MCTP1: variants seen among roughly 807,000 people sequenced by gnomAD.
The protein encoded by MCTP1 is multiple C2 and transmembrane domain containing 1, also known as multiple C2 and transmembrane domain-containing protein 1.
In MCTP1, 69 loss-of-function variants were observed where a neutral mutation model predicts 120.6. The ratio of observed to expected loss-of-function variants is 0.57; its 90% CI spans 0.47 to 0.70. MCTP1 has a LOEUF of 0.70. MCTP1 is among the 30% of genes least tolerant of loss of function. The probability of loss-of-function intolerance (pLI) is 0.00; values close to 1 mark genes in which losing one functional copy is unlikely to be tolerated. For synonymous variants in MCTP1, 529 were observed against 493.1 expected (o/e 1.07, Z -0.96); for missense variants, 1,203 against 1,248.8 (o/e 0.96, Z 0.55).
At chr5:95,222,880 T>C (rs1276634988) in intron 1 of MCTP1, among the ~76,000 whole-genome samples, 1 of 152,252 alleles carries the variant, frequency 6.6e-6, no homozygotes, top group Non-Finnish European at 1.5e-5. Context: ...TTGTAAAGAA[T>C]TGGATCACTT....
At chr5:94,770,569 C>G (rs530921012) in intron 19 of MCTP1, among the ~76,000 whole-genome samples, 9 of 152,198 alleles carry the variant, frequency 5.9e-5, no homozygotes, top group African/African-American at 1.9e-4. Flanking sequence ...TATTTTAGCC[C>G]AACTGCCACT....
intron 17 of MCTP1, among the ~76,000 whole-genome samples, chr5:94,817,454 A>C (rs1784713306): frequency 6.6e-6 from 1 of 151,562 alleles, no homozygotes; most frequent in Non-Finnish European, 1.5e-5. Context: ...AAACTGGTTT[A>C]CTATGCAGAA....
At position 95,164,980 on chromosome 5, in the gene MCTP1, A is replaced by G. The variant is rs997499676; in HGVS notation, c.720+118876T>C. Among the ~76,000 whole-genome samples, 6 of 152,174 alleles carry G rather than the reference A, an allele frequency of 3.9e-5. 1 individual carries two copies. Among genetic ancestry groups the G allele is most frequent in the Admixed American group, 2.0e-4 (3 of 15,274 alleles). ...AGTCCTCTGCATCCAGCAGACAGAA[A>G]GAGGGAGGGGGAATAAGGCACACCC... On this transcript the variant is annotated intron_variant, in intron 1 of 22. Transcript: ENST00000515393.
intron 17 of MCTP1, among the ~76,000 whole-genome samples, chr5:94,839,978 T>C (rs142707303): frequency 4.3e-4 from 66 of 152,334 alleles, no homozygotes; most frequent in African/African-American, 1.5e-3. Context: ...AGTTCAGTAT[T>C]TAATTATGTC....
intron 1 of MCTP1, among the ~76,000 whole-genome samples, chr5:95,222,850 T>C (rs1407722573): frequency 6.6e-6 from 1 of 152,248 alleles, no homozygotes; most frequent in African/African-American, 2.4e-5. Flanking sequence ...CTGTGCTTCA[T>C]ATATATTGAA....
intron 17 of MCTP1, among the ~76,000 whole-genome samples, chr5:94,831,740 A>T (rs1788553976): frequency 6.6e-6 from 1 of 152,346 alleles, no homozygotes; most frequent in Non-Finnish European, 1.5e-5. Flanking sequence ...TCAGCTTAAC[A>T]TGTTTAAGAA....
chr5:94,934,092 A>G (rs1815509440), intron 5 of MCTP1, among the ~76,000 whole-genome samples: 1 of 151,786 alleles, frequency 6.6e-6, no homozygotes, highest in African/African-American at 2.4e-5. Flanking sequence ...CAAATCTACT[A>G]CCAAAGCAAT....
intron 1 of MCTP1, chr5:95,068,691 T>C: frequency 1.4e-6 from 1 of 711,672 alleles, no homozygotes; most frequent in South Asian, 1.8e-5. Context: ...TGCATTACTA[T>C]GGTTTTCACA....
At chr5:95,094,191 G>C (rs1185919878) in intron 1 of MCTP1, among the ~76,000 whole-genome samples, 2 of 152,168 alleles carry the variant, frequency 1.3e-5, no homozygotes, top group Non-Finnish European at 2.9e-5. Flanking sequence ...TAGGTAACTG[G>C]AGTACCTTTT....
At chr5:95,217,986 T>G (rs1753228991) in intron 1 of MCTP1, among the ~76,000 whole-genome samples, 1 of 152,122 alleles carries the variant, frequency 6.6e-6, no homozygotes, top group Non-Finnish European at 1.5e-5. Flanking sequence ...AGGAAAGACA[T>G]GAGAGATATG....
At chr5:95,227,217 T>C (rs1754382988) in intron 1 of MCTP1, among the ~76,000 whole-genome samples, 1 of 152,170 alleles carries the variant, frequency 6.6e-6, no homozygotes, top group Non-Finnish European at 1.5e-5. Flanking sequence ...TTCTCAGCTC[T>C]TTTTTTCTGC....
chr5:94,872,600 T>G lies in MCTP1; in HGVS notation c.2036+539A>C, dbSNP rs79834478. ...GTTACTATAGTGTAGCATTGGCAGCTTTTACAGTGTATGACTGAAAAGGTT... is the reference window on the plus strand; with the variant it reads ...GTTACTATAGTGTAGCATTGGCAGCGTTTACAGTGTATGACTGAAAAGGTT... On this transcript the variant is annotated intron_variant, in intron 13 of 22. Transcript: ENST00000515393. Among the ~76,000 whole-genome samples the G allele has an allele frequency of 2.4e-3, 361 of 152,198 alleles. 3 individuals carry two copies. The East Asian group carries it at 0.052, about 22-fold the overall frequency.
At chr5:94,917,589 G>A (rs1810404556) in intron 8 of MCTP1, among the ~76,000 whole-genome samples, 1 of 152,064 alleles carries the variant, frequency 6.6e-6, no homozygotes, top group Non-Finnish European at 1.5e-5. Flanking sequence ...CTTTCATAAG[G>A]AGTATTCATC....
intron 1 of MCTP1, among the ~76,000 whole-genome samples, chr5:95,276,763 T>C (rs1213384370): frequency 1.3e-5 from 2 of 151,150 alleles, no homozygotes; most frequent in Non-Finnish European, 3.0e-5. Context: ...CCATCCTGGC[T>C]AACATGGTGA....
At chr5:95,076,155 A>G (rs538651642) in intron 1 of MCTP1, among the ~76,000 whole-genome samples, 1 of 152,214 alleles carries the variant, frequency 6.6e-6, no homozygotes, top group Admixed American at 6.5e-5. Flanking sequence ...ACAATAATAA[A>G]ATAGAAAATT....
intron 1 of MCTP1, among the ~76,000 whole-genome samples, chr5:95,032,726 TAAC>T (rs1717028201): frequency 6.6e-6 from 1 of 151,552 alleles, no homozygotes; most frequent in Non-Finnish European, 1.5e-5. Context: ...AGAAAAGAAA[TAAC>T]AAAGGTTAGA....
chr5:95,170,628 C>T (rs1037189008), intron 1 of MCTP1, among the ~76,000 whole-genome samples: 1 of 152,158 alleles, frequency 6.6e-6, no homozygotes, highest in Non-Finnish European at 1.5e-5. Context: ...GGATAGTTAG[C>T]TCTTCTTGTT....
In MCTP1 at chr5:94,721,656, T is replaced by C. The variant is rs78846308; in HGVS notation, c.2611-6770A>G. Among the ~76,000 whole-genome samples, 1,332 of 152,300 alleles carry C rather than the reference T, an allele frequency of 8.7e-3. 20 individuals carry two copies. Among genetic ancestry groups the C allele is most frequent in the Non-Finnish European group, 9.8e-3 (664 of 68,012 alleles). On this transcript the variant is annotated intron_variant, in intron 19 of 22. Transcript: ENST00000515393. ...TAAAGTATATGACCCAAAACTGCAATGGATAATGGAATTGCTGTGTTGCAT... is the reference window on the plus strand; with the variant it reads ...TAAAGTATATGACCCAAAACTGCAACGGATAATGGAATTGCTGTGTTGCAT...
At chr5:94,885,279 T>C (rs1465905813) in intron 12 of MCTP1, among the ~76,000 whole-genome samples, 1 of 148,838 alleles carries the variant, frequency 6.7e-6, no homozygotes, top group Non-Finnish European at 1.5e-5. Context: ...GGGGAAGCTA[T>C]GACCTCTTCC....
Sources: allele counts gnomAD v4.1 joint callset (sites outside exome capture counted in the v4.1 genomes callset), GRCh38; gene constraint gnomAD v4.1.1; transcripts MANE v1.5; gene names NCBI Gene and HGNC (gene_info 2026-07-23, HGNC 2026-07-21).